RARRES1: variants seen among roughly 807,000 people sequenced by gnomAD.
RARRES1 encodes the protein retinoic acid receptor responder protein 1.
RARRES1 carries 34 observed loss-of-function variants against 30.6 expected under a neutral mutation model. The ratio of observed to expected loss-of-function variants is 1.11; its 90% CI spans 0.84 to 1.48. RARRES1 has a LOEUF of 1.48. Ranked by LOEUF, RARRES1 falls within the 40% of genes most tolerant of loss-of-function variation. The probability of loss-of-function intolerance (pLI) is 0.00; values close to 1 mark genes in which losing one functional copy is unlikely to be tolerated. For synonymous variants in RARRES1, 153 were observed against 155.5 expected (o/e 0.98, Z 0.12); for missense variants, 373 against 386.5 (o/e 0.97, Z 0.29).
At chr3:158,725,289 G>A (rs1727650317) in intron 1 of RARRES1, among the ~76,000 whole-genome samples, 4 of 152,142 alleles carry the variant, frequency 2.6e-5, no homozygotes, top group South Asian at 2.1e-4. Flanking sequence ...AATAAATGCC[G>A]AGGTCACATA....
At chr3:158,703,213 C>T (rs1405940223) in intron 4 of RARRES1, among the ~76,000 whole-genome samples, 4 of 152,164 alleles carry the variant, frequency 2.6e-5, no homozygotes, top group Non-Finnish European at 1.5e-5. Flanking sequence ...TATCTGCCCT[C>T]CTAGCACTGG....
chr3:158,708,369 C>T (rs1726994261), intron 3 of RARRES1, among the ~76,000 whole-genome samples: 1 of 152,118 alleles, frequency 6.6e-6, no homozygotes, highest in African/African-American at 2.4e-5. Flanking sequence ...ATAGTAAGAA[C>T]ATTTGAAAGG....
At chr3:158,698,023 T>TA in intron 4 of RARRES1, 53 bp from the exon 5 acceptor site, 1 of 1,256,080 alleles carries the variant, frequency 8.0e-7, no homozygotes, top group South Asian at 1.3e-5. Flanking sequence ...TTTAGTGTAA[T>TA]AACTATACAA....
chr3:158,729,233 A>T (rs927022380), intron 1 of RARRES1, among the ~76,000 whole-genome samples: 2 of 151,746 alleles, frequency 1.3e-5, no homozygotes, highest in African/African-American at 2.4e-5. Flanking sequence ...ATTGGACTAA[A>T]TGATGTTTAA....
At chr3:158,721,401 C>T (rs1053474062) in intron 1 of RARRES1, among the ~76,000 whole-genome samples, 1 of 152,144 alleles carries the variant, frequency 6.6e-6, no homozygotes, top group African/African-American at 2.4e-5. Context: ...TGGGGTGGGG[C>T]CTGGGAACTT....
intron 1 of RARRES1, among the ~76,000 whole-genome samples, chr3:158,731,288 C>T (rs537826419): frequency 2.0e-4 from 31 of 152,292 alleles, no homozygotes; most frequent in African/African-American, 7.0e-4. Flanking sequence ...ATGCGATACT[C>T]AATTCCAGAT....
intron 1 of RARRES1, among the ~76,000 whole-genome samples, chr3:158,730,332 A>AC (rs996715080): frequency 1.3e-4 from 19 of 146,390 alleles, no homozygotes; most frequent in South Asian, 2.2e-4. Flanking sequence ...AAAAAAAAAA[A>AC]AAAAAACAAA....
chr3:158,712,927 G>C (rs1161077053), intron 2 of RARRES1, among the ~76,000 whole-genome samples: 1 of 152,164 alleles, frequency 6.6e-6, no homozygotes, highest in Non-Finnish European at 1.5e-5. Flanking sequence ...ACAATCAAAG[G>C]CATCTTTCGT....
chr3:158,703,544 C>T (rs989524195), intron 4 of RARRES1, among the ~76,000 whole-genome samples: 2 of 152,162 alleles, frequency 1.3e-5, no homozygotes, highest in East Asian at 1.9e-4. Flanking sequence ...TCCACTTCCT[C>T]TCCTCCCATC....
Position 158,722,041 on chromosome 3 carries a change from G to A in RARRES1, c.277-8182C>T, listed in dbSNP as rs147382336. Among the ~76,000 whole-genome samples, 11 of 140,040 alleles carry A rather than the reference G, an allele frequency of 7.9e-5. No homozygotes were observed. The East Asian group carries it at 1.0e-3, about 13-fold the overall frequency. 91.9% of individuals were successfully genotyped at this position (140,040 alleles called of 152,430 possible). On this transcript the variant is annotated intron_variant, in intron 1 of 5. Coordinates refer to ENST00000237696, the MANE Select transcript of RARRES1 (RefSeq NM_206963.2). ...AGGAGGTGGAGTTTGCGGGTGAGCC[G>A]AGATGGCATAATTGCACTCCAGCCT...
intron 1 of RARRES1, among the ~76,000 whole-genome samples, chr3:158,720,273 T>TGAGAGAGAGAGAGAGAGAGAGA (rs968371151): frequency 2.1e-5 from 3 of 144,452 alleles, no homozygotes; most frequent in African/African-American, 7.7e-5. Flanking sequence ...TGTATGTGTG[T>TGAGAGAGAGAGAGAGAGAGAGA]GAGAGAGAGA....
At chr3:158,731,371 A>G (rs921059904) in intron 1 of RARRES1, among the ~76,000 whole-genome samples, 3 of 152,170 alleles carry the variant, frequency 2.0e-5, no homozygotes, top group Non-Finnish European at 2.9e-5. Flanking sequence ...TGCTTTTGGG[A>G]CAGACTTAGT....
At chr3:158,717,602 G>A (rs1167243871) in intron 1 of RARRES1, among the ~76,000 whole-genome samples, 2 of 152,226 alleles carry the variant, frequency 1.3e-5, no homozygotes, top group Non-Finnish European at 2.9e-5. Flanking sequence ...GCTACAAAGA[G>A]GATTTTGTCC....
At chr3:158,730,234 C>T (rs1008589640) in intron 1 of RARRES1, among the ~76,000 whole-genome samples, 9 of 149,092 alleles carry the variant, frequency 6.0e-5, no homozygotes, top group Non-Finnish European at 1.3e-4. Flanking sequence ...GCAGGAGAAT[C>T]GCTTGAACCT....
At chr3:158,721,474 C>G (rs1201590301) in intron 1 of RARRES1, among the ~76,000 whole-genome samples, 2 of 152,202 alleles carry the variant, frequency 1.3e-5, no homozygotes, top group East Asian at 3.8e-4. Context: ...TTGGAGAACT[C>G]TCTAGCTACT....
At chr3:158,727,555 A>G (rs1727732460) in intron 1 of RARRES1, among the ~76,000 whole-genome samples, 1 of 152,190 alleles carries the variant, frequency 6.6e-6, no homozygotes, top group South Asian at 2.1e-4. Flanking sequence ...GAACTTGCTG[A>G]GTGGCAAGAG....
intron 3 of RARRES1, among the ~76,000 whole-genome samples, chr3:158,706,625 A>G (rs1476869178): frequency 6.6e-6 from 1 of 152,192 alleles, no homozygotes; most frequent in Non-Finnish European, 1.5e-5. Flanking sequence ...AAGGATGGTG[A>G]CAGTGGATTT....
At chr3:158,718,622 A>G (rs925260174) in intron 1 of RARRES1, among the ~76,000 whole-genome samples, 1 of 152,190 alleles carries the variant, frequency 6.6e-6, no homozygotes, top group African/African-American at 2.4e-5. Context: ...TGAATGCCCT[A>G]TGACCTAGAA....
intron 3 of RARRES1, 92 bp from the exon 4 acceptor site, chr3:158,705,019 C>T: frequency 1.4e-6 from 2 of 1,469,240 alleles, no homozygotes; most frequent in South Asian, 2.7e-5. Flanking sequence ...TAAACTTAGT[C>T]ATACCAGTCA....
Sources: allele counts gnomAD v4.1 joint callset (sites outside exome capture counted in the v4.1 genomes callset), GRCh38; gene constraint gnomAD v4.1.1; transcripts MANE v1.5; gene names NCBI Gene and HGNC (gene_info 2026-07-23, HGNC 2026-07-21).